Variants in CFAP44 observed in about 807,000 individuals in gnomAD.
The protein encoded by CFAP44 is cilia and flagella associated protein 44.
CFAP44 carries 134 observed loss-of-function variants against 216.2 expected under a neutral mutation model. The ratio of observed to expected loss-of-function variants is 0.62; its 90% CI spans 0.54 to 0.72. The LOEUF (loss-of-function observed/expected upper bound fraction) is 0.72. CFAP44 is among the 30% of genes least tolerant of loss of function. The pLI, the probability that CFAP44 is intolerant of heterozygous loss-of-function variation, is 0.00. For missense variants in CFAP44, 2,035 were observed against 2,182.1 expected (o/e 0.93, Z 1.34); for synonymous variants, 700 against 727.6 (o/e 0.96, Z 0.61).
intron 23 of CFAP44, among the ~76,000 whole-genome samples, chr3:113,343,213 C>T (rs1043943105): frequency 2.0e-5 from 3 of 151,782 alleles, no homozygotes; most frequent in Non-Finnish European, 2.9e-5. Flanking sequence ...AGGAATGTGC[C>T]ACCGTGCTTA....
rs746483589 is a variant in CFAP44, at chr3:113,401,747, A to C, written c.1171-8T>G. ...TGTCTCAAAATCCCATATCTTGTAA[A>C]ATGAAAAGAAAATACTTTAATCGAT... is the stretch of plus-strand genomic sequence containing the variant. On this transcript the variant is annotated splice_region_variant and splice_polypyrimidine_tract_variant and intron_variant, in intron 9 of 34. Coordinates refer to ENST00000393845, the MANE Select transcript of CFAP44 (RefSeq NM_001164496.2). The C allele has an allele frequency of 5.5e-5, 87 of 1,591,416 alleles. No individual in the cohort carries two copies. The highest frequency in any genetic ancestry group is 7.0e-5 in the Non-Finnish European group (82 of 1,171,026).
At chr3:113,409,031 T>TA in intron 7 of CFAP44, 75 bp downstream of exon 7, 2 of 505,000 alleles carry the variant, frequency 4.0e-6, no homozygotes, top group Non-Finnish European at 6.1e-6. Flanking sequence ...AAAAAAAAAG[T>TA]CTCCAGCTCT....
At chr3:113,354,036 G>C (rs2107302953) in intron 22 of CFAP44, among the ~76,000 whole-genome samples, 1 of 149,416 alleles carries the variant, frequency 6.7e-6, no homozygotes. Context: ...ATTAGCCCTA[G>C]ACTAAAGGCT....
intron 18 of CFAP44, among the ~76,000 whole-genome samples, chr3:113,369,057 C>T (rs938288599): frequency 3.3e-5 from 5 of 152,186 alleles, no homozygotes; most frequent in African/African-American, 1.2e-4. Context: ...TATATATGCA[C>T]TCAATACAGG....
chr3:113,384,057 CTT>C (rs199814107), intron 15 of CFAP44, among the ~76,000 whole-genome samples: 6 of 144,304 alleles, frequency 4.2e-5, no homozygotes, highest in African/African-American at 1.3e-4. Context: ...AAATAGTTGA[CTT>C]TTTTTTTTTT....
chr3:113,346,719 G>A (rs1006084118), intron 22 of CFAP44, among the ~76,000 whole-genome samples: 9 of 152,064 alleles, frequency 5.9e-5, no homozygotes, highest in Non-Finnish European at 1.0e-4. Context: ...GCACCAATCC[G>A]CACTCTGTAA....
At position 113,341,804 on chromosome 3, in the gene CFAP44, A is replaced by G. The variant is rs916861325; in HGVS notation, c.3377T>C (p.Ile1126Thr). ...ENQIEKTRKL[I>T]LKAERAQLKI... The stretch of plus-strand genomic sequence containing the variant: ...TAGTTGTGCCCTTTCAGCTTTTAAT[A>G]TAAGTTTTCTCGTTTTCTCAATTTG... The change falls in exon 24 of 35, where the codon ATA becomes ACA. Residue 1126 changes from isoleucine (I) to threonine (T), a missense_variant. Ile to Thr is a moderately conservative substitution (Grantham distance 89). Transcript: ENST00000393845. 6.5e-6 allele frequency: 10 copies of G among 1,529,542 alleles called. No homozygotes were observed. In the African/African-American group the frequency reaches 6.9e-5, roughly 11 times the overall value. The allele number at this position is 1,529,542 out of a possible 1,614,324, so 94.7% of individuals were successfully genotyped here. A position where few individuals can be genotyped will look rare whatever the true frequency, so the allele number is the denominator to read the frequency against.
chr3:113,400,035 T>C (rs763606379), intron 12 of CFAP44, 35 bp from the exon 13 acceptor site: 2 of 1,393,742 alleles, frequency 1.4e-6, no homozygotes, highest in Admixed American at 5.0e-5. Context: ...AAAAAAATTA[T>C]ATACATAATT....
At chr3:113,301,373 A>C (rs1007447059) in intron 32 of CFAP44, among the ~76,000 whole-genome samples, 1 of 152,094 alleles carries the variant, frequency 6.6e-6, no homozygotes, top group African/African-American at 2.4e-5. Flanking sequence ...GAATATGGGG[A>C]GACAGAGAAT....
intron 32 of CFAP44, among the ~76,000 whole-genome samples, chr3:113,300,626 C>A (rs1369794479): frequency 1.3e-5 from 2 of 149,994 alleles, no homozygotes; most frequent in Admixed American, 6.6e-5. Context: ...GGATTAGTAT[C>A]AAAAAAAAAT....
chr3:113,350,540 G>C (rs139139768), intron 22 of CFAP44, among the ~76,000 whole-genome samples: 52 of 152,310 alleles, frequency 3.4e-4, no homozygotes, highest in African/African-American at 1.2e-3. Flanking sequence ...ATTGATAATT[G>C]ACAGTCTTCT....
chr3:113,432,906 A>C (rs577258137), intron 2 of CFAP44, among the ~76,000 whole-genome samples: 18 of 152,198 alleles, frequency 1.2e-4, no homozygotes, highest in Non-Finnish European at 2.2e-4. Context: ...TCTATCAGAT[A>C]ATCTATTATT....
rs1485124732 is a variant in CFAP44, at chr3:113,294,562, G to T, written c.5373+125C>A. On this transcript the variant is annotated intron_variant, in intron 34 of 34. Coordinates refer to ENST00000393845, the MANE Select transcript of CFAP44 (RefSeq NM_001164496.2). ...ACTCAGTGTCCTCGGGGACGCAGAT[G>T]GTCTGGAAGTGGTCCAAGATCAAGC... 3.2e-6 allele frequency: 4 copies of T among 1,242,998 alleles called. No homozygotes were observed. The African/African-American group carries it at 4.6e-5, about 14-fold the overall frequency. 77.0% of individuals were successfully genotyped at this position (1,242,998 alleles called of 1,614,324 possible). A position where few individuals can be genotyped will look rare whatever the true frequency, so the allele number is the denominator to read the frequency against.
chr3:113,317,730 G>A (rs1419493412), intron 28 of CFAP44, among the ~76,000 whole-genome samples: 1 of 152,244 alleles, frequency 6.6e-6, no homozygotes, highest in African/African-American at 2.4e-5. Flanking sequence ...ATTGAGAGGG[G>A]TGAGATGCAT....
chr3:113,400,762 T>A, intron 11 of CFAP44, 118 bp from the exon 12 acceptor site: 1 of 961,376 alleles, frequency 1.0e-6, no homozygotes, highest in Non-Finnish European at 1.6e-6. Flanking sequence ...TGGATAGAAA[T>A]AAGAAAAAGC....
intron 28 of CFAP44, 99 bp downstream of exon 28, chr3:113,326,346 A>G: frequency 8.9e-7 from 1 of 1,126,472 alleles, no homozygotes; most frequent in Non-Finnish European, 1.2e-6. Flanking sequence ...TGTCCATGTT[A>G]TAGTGAAAAA....
At chr3:113,340,263 G>A (rs1481042181) in intron 24 of CFAP44, among the ~76,000 whole-genome samples, 1 of 152,218 alleles carries the variant, frequency 6.6e-6, no homozygotes, top group Non-Finnish European at 1.5e-5. Flanking sequence ...TGAGCCTAAT[G>A]CTCATTTAGC....
intron 22 of CFAP44, among the ~76,000 whole-genome samples, chr3:113,349,880 C>T (rs1359417901): frequency 6.6e-6 from 1 of 152,234 alleles, no homozygotes; most frequent in Non-Finnish European, 1.5e-5. Context: ...CCTGGGACAG[C>T]CTGTAGCCAG....
chr3:113,351,710 T>C (rs992052322), intron 22 of CFAP44, among the ~76,000 whole-genome samples: 3 of 151,430 alleles, frequency 2.0e-5, no homozygotes, highest in Non-Finnish European at 2.9e-5. Context: ...CAAACTCTCA[T>C]ACCAACCTCT....
Sources: gnomAD v4.1 joint callset for allele counts (sites outside exome capture counted in the v4.1 genomes callset) on GRCh38, gnomAD v4.1.1 for gene constraint, MANE v1.5 for transcripts, NCBI Gene and HGNC (gene_info 2026-07-23, HGNC 2026-07-21) for gene names.